Variants in WWOX observed in about 807,000 individuals in gnomAD.
WWOX encodes WW domain containing oxidoreductase.
A neutral mutation model predicts 46.2 loss-of-function variants in WWOX; 69 were observed. That is an observed-to-expected ratio of 1.49 (90% CI 1.23 to 1.82). The LOEUF is 1.82. Ranked by LOEUF, WWOX falls within the 40% of genes most tolerant of loss-of-function variation. WWOX has a pLI of 0.00. For missense variants in WWOX, 919 were observed against 542.6 expected, an observed-to-expected ratio of 1.69 and a Z score of -6.89; for synonymous variants, 359 against 202.6, an observed-to-expected ratio of 1.77 and a Z score of -6.56.
At chr16:78,245,461 C>A (rs1016171446) in intron 5 of WWOX, among the ~76,000 whole-genome samples, 3 of 152,204 alleles carry the variant, frequency 2.0e-5, no homozygotes, top group Non-Finnish European at 4.4e-5. Flanking sequence ...TACATATTAA[C>A]TTGGGCCAGA....
intron 8 of WWOX, among the ~76,000 whole-genome samples, chr16:78,666,150 G>A (rs538849268): frequency 6.6e-6 from 1 of 152,074 alleles, no homozygotes; most frequent in Admixed American, 6.5e-5. Flanking sequence ...AGCCGAGTGT[G>A]GTGGTGTGCC....
At chr16:78,414,797 A>G (rs1333408189) in intron 6 of WWOX, among the ~76,000 whole-genome samples, 2 of 152,126 alleles carry the variant, frequency 1.3e-5, no homozygotes, top group Admixed American at 6.5e-5. Flanking sequence ...TGTTATTTAA[A>G]CTATAAACGA....
At chr16:78,737,447 A>G (rs2049117577) in intron 8 of WWOX, among the ~76,000 whole-genome samples, 2 of 152,008 alleles carry the variant, frequency 1.3e-5, no homozygotes, top group Admixed American at 6.6e-5. Flanking sequence ...TTATATATGT[A>G]TTTATTAAGT....
At chr16:78,699,374 C>CAA (rs57002311) in intron 8 of WWOX, among the ~76,000 whole-genome samples, 10,577 of 127,132 alleles carry the variant, frequency 0.083, 960 homozygotes, top group African/African-American at 0.23. Flanking sequence ...ACAAAAAATA[C>CAA]AAAAAAAAAA....
chr16:78,440,413 A>G (rs1367547423), intron 8 of WWOX, among the ~76,000 whole-genome samples: 4 of 152,136 alleles, frequency 2.6e-5, no homozygotes, highest in African/African-American at 9.7e-5. Context: ...CAGTCTGAAC[A>G]GCACACGTCA....
chr16:78,396,372 GT>G (rs2082287236), intron 6 of WWOX, among the ~76,000 whole-genome samples: 1 of 152,006 alleles, frequency 6.6e-6, no homozygotes, highest in Non-Finnish European at 1.5e-5. Flanking sequence ...AAATGAAAAT[GT>G]GTTCGAATTA....
At position 78,621,582 on chromosome 16, in the gene WWOX, T is replaced by A. The variant is rs569928933; in HGVS notation, c.1056+188830T>A. 2.8e-3 allele frequency among the ~76,000 whole-genome samples: 408 copies of A among 146,400 alleles called. 3 individuals carry two copies. The highest frequency in any genetic ancestry group is 9.7e-3 in the African/African-American group (388 of 39,846). On this transcript the variant is annotated intron_variant, in intron 8 of 8. Coordinates refer to ENST00000566780, the MANE Select transcript of WWOX (RefSeq NM_016373.4). ...ATTCACTTGCACCTTTAACCTTGTG[T>A]TGTTCTAATCTTTTTTTTTTTTTTT...
chr16:78,427,818 A>G lies in WWOX; in HGVS notation c.791+2763A>G, dbSNP rs549659505. ...AAATTGTTTAAAAAAAATGCAGTATAGGCCAGGCACAGTGTCTCACGCCTG... is the reference window on the plus strand; with the variant it reads ...AAATTGTTTAAAAAAAATGCAGTATGGGCCAGGCACAGTGTCTCACGCCTG... On this transcript the variant is annotated intron_variant, in intron 7 of 8. Coordinates refer to ENST00000566780, the MANE Select transcript of WWOX (RefSeq NM_016373.4). Among the ~76,000 whole-genome samples the G allele has an allele frequency of 7.2e-5, 11 of 152,180 alleles. No homozygotes were observed. The South Asian group carries it at 2.1e-3, about 29-fold the overall frequency.
Position 78,902,498 on chromosome 16 carries a change from A to T in WWOX, c.1057-309110A>T, listed in dbSNP as rs191692031. Among the ~76,000 whole-genome samples the T allele has an allele frequency of 3.3e-4, 51 of 152,356 alleles. 1 individual carries two copies. The highest frequency in any genetic ancestry group is 2.0e-3 in the Admixed American group (31 of 15,308). On this transcript the variant is annotated intron_variant, in intron 8 of 8. Transcript: ENST00000566780. ...TAGGGTTAAGGCATTTCACAATGTCAGGCATCTTGTTAGACTGCGGCTTTC... is the reference window on the plus strand; with the variant it reads ...TAGGGTTAAGGCATTTCACAATGTCTGGCATCTTGTTAGACTGCGGCTTTC...
chr16:78,862,398 GTGTA>G (rs774370024), intron 8 of WWOX, among the ~76,000 whole-genome samples: 44 of 151,212 alleles, frequency 2.9e-4, no homozygotes, highest in Non-Finnish European at 5.6e-4. Flanking sequence ...ACACACTATA[GTGTA>G]TGTACTATAC....
chr16:78,640,494 C>T (rs2432241), intron 8 of WWOX, among the ~76,000 whole-genome samples: 69,207 of 151,776 alleles, frequency 0.46, 17,970 homozygotes, highest in Middle Eastern at 0.63. Context: ...TCCTGTACTG[C>T]ATGAAGCAGG....
At chr16:79,174,307 C>A (rs1204185235) in intron 8 of WWOX, among the ~76,000 whole-genome samples, 2 of 152,298 alleles carry the variant, frequency 1.3e-5, no homozygotes, top group Admixed American at 6.5e-5. Context: ...CCCCCAAATA[C>A]AATAATTAGT....
chr16:79,037,518 T>G (rs1324405369), intron 8 of WWOX, among the ~76,000 whole-genome samples: 1 of 152,034 alleles, frequency 6.6e-6, no homozygotes, highest in African/African-American at 2.4e-5. Context: ...GCTGTCACCT[T>G]CCCAAAGTCA....
At chr16:78,895,970 CAG>C (rs2044692246) in intron 8 of WWOX, 1 of 152,152 alleles carries the variant, frequency 6.6e-6, no homozygotes, top group African/African-American at 2.4e-5. Flanking sequence ...TCCCAGGAAA[CAG>C]ATACTCAATT....
intron 8 of WWOX, among the ~76,000 whole-genome samples, chr16:78,923,186 G>T (rs2045419370): frequency 6.6e-6 from 1 of 151,778 alleles, no homozygotes; most frequent in South Asian, 2.1e-4. Flanking sequence ...TCTCCATGTT[G>T]GTCAGGCTGG....
intron 8 of WWOX, among the ~76,000 whole-genome samples, chr16:78,512,479 A>T (rs1540761): frequency 6.6e-6 from 1 of 152,080 alleles, no homozygotes; most frequent in African/African-American, 2.4e-5. Context: ...CCATTTTATC[A>T]CTTTAAATTA....
At chr16:79,170,224 C>A (rs12445325) in intron 8 of WWOX, among the ~76,000 whole-genome samples, 5,735 of 152,266 alleles carry the variant, frequency 0.038, 130 homozygotes, top group South Asian at 0.08. Flanking sequence ...CACATTTCTC[C>A]TTACAAACAT....
intron 8 of WWOX, among the ~76,000 whole-genome samples, chr16:78,782,162 C>G (rs2050343928): frequency 1.3e-5 from 2 of 152,278 alleles, no homozygotes; most frequent in Middle Eastern, 6.8e-3. Context: ...GCCTTCTCGC[C>G]TTGCCATCAC....
chr16:78,777,259 C>T (rs1172480053), intron 8 of WWOX, among the ~76,000 whole-genome samples: 1 of 151,982 alleles, frequency 6.6e-6, no homozygotes, highest in South Asian at 2.1e-4. Flanking sequence ...TTCCTCTGTG[C>T]CTCTCAGGTG....
Sources: gnomAD v4.1 joint callset for allele counts (sites outside exome capture counted in the v4.1 genomes callset) on GRCh38, gnomAD v4.1.1 for gene constraint, MANE v1.5 for transcripts, NCBI Gene and HGNC (gene_info 2026-07-23, HGNC 2026-07-21) for gene names.